The following CTRB2 variants were observed in gnomAD, a reference collection of about 807,000 sequenced individuals.
The protein encoded by CTRB2 is chymotrypsinogen B2.
CTRB2 carries 9 observed loss-of-function variants against 19.3 expected under a neutral mutation model. The observed-to-expected ratio is 0.47, with a 90% CI of 0.28 to 0.81. The LOEUF is 0.81. Among genes scored for constraint, CTRB2 ranks in the 40% least tolerant of loss-of-function variants. CTRB2 has a pLI of 0.11. For synonymous variants in CTRB2, 98 were observed against 117.3 expected (o/e 0.84, Z 1.06); for missense variants, 210 against 269.7 (o/e 0.78, Z 1.55).
rs1402719006 is a variant in CTRB2 at position 75,204,208 on chromosome 16, C to T, written c.745G>A (p.Val249Ile). The change falls in exon 7 of 7, where the codon GTC (valine) becomes ATC (isoleucine). Residue 249 changes from valine (V) to isoleucine (I), a missense_variant. Transcript: ENST00000303037. Reference sequence around the variant, plus strand: ...TGCACCCAGGGTATGAGCTTGGCGACACGGGCGTACACAGCGGGCGTGGTG... The same window carrying T: ...TGCACCCAGGGTATGAGCTTGGCGATACGGGCGTACACAGCGGGCGTGGTG... ...STTTPAVYARVAKLIPWVQKI... is the reference protein window; with the variant it reads ...STTTPAVYARIAKLIPWVQKI... The T allele has an allele frequency of 1.9e-6, 3 of 1,614,110 alleles. No homozygotes were observed. Among genetic ancestry groups the T allele is most frequent in the Non-Finnish European group, 2.5e-6 (3 of 1,180,006 alleles).
At position 75,207,006 on chromosome 16, in the gene CTRB2, C is replaced by G. The variant is rs1311047514; in HGVS notation, c.52+84G>C. ...CTGCGGTGCACAGCTGAACTGGGAG[C>G]TGGGACCCTGCTGCCTCTTGCTGGC... On this transcript the variant is annotated intron_variant, in intron 1 of 6. Coordinates refer to ENST00000303037, the MANE Select transcript of CTRB2 (RefSeq NM_001025200.4). The G allele has an allele frequency of 1.4e-5, 18 of 1,307,966 alleles. No homozygotes were observed. The South Asian group carries it at 1.9e-4, about 14-fold the overall frequency. The allele number at this position is 1,307,966 out of a possible 1,614,324, so 81.0% of individuals were successfully genotyped here.
At chr16:75,207,037 G>C (rs57900557) in intron 1 of CTRB2, 53 bp downstream of exon 1, 226,019 of 1,513,774 alleles carry the variant, frequency 0.15, 18,224 homozygotes, top group Middle Eastern at 0.21. Flanking sequence ...CTGGCCTCGG[G>C]GCTGGGAGTG....
Position 75,204,239 on chromosome 16 carries a change from G to C in CTRB2, c.714C>G (p.Cys238Trp). Residue 238 changes from cysteine to tryptophan, a missense_variant, in exon 7 of 7, where the codon TGC becomes TGG. Cys to Trp is a radical substitution (Grantham distance 215). Transcript: ENST00000303037. ...VGIVSWGSRT[C>W]STTTPAVYAR... Reference sequence around the variant, plus strand: ...CGTACACAGCGGGCGTGGTGGTAGAGCAGGTGCGGCTGCCCCAGGACACAA... The same window carrying C: ...CGTACACAGCGGGCGTGGTGGTAGACCAGGTGCGGCTGCCCCAGGACACAA... The C allele has an allele frequency of 6.2e-7, 1 of 1,614,162 alleles. No homozygotes were observed. The highest frequency in any genetic ancestry group is 8.5e-7 in the Non-Finnish European group (1 of 1,180,004).
chr16:75,206,265 C>G, intron 1 of CTRB2, 72 bp from the exon 2 acceptor site: 1 of 1,454,022 alleles, frequency 6.9e-7, no homozygotes, highest in South Asian at 1.3e-5. Flanking sequence ...CCTCTCACTC[C>G]CAACTCTTTT....
At position 75,205,325 on chromosome 16, in the gene CTRB2, C is replaced by T; in HGVS notation, c.496+8G>A. On this transcript the variant is annotated splice_region_variant and intron_variant, in intron 5 of 6. Coordinates refer to ENST00000303037, the MANE Select transcript of CTRB2 (RefSeq NM_001025200.4). The stretch of plus-strand genomic sequence containing the variant: ...CCAGACCCCAGAGGCAGCCCCGCGG[C>T]CCCTCACCGTTGTACTTGGTCTTGC... 2 of 354,976 alleles carry T rather than the reference C, an allele frequency of 5.6e-6. No individual in the cohort carries two copies. Among genetic ancestry groups the T allele is most frequent in the Non-Finnish European group, 9.2e-6 (2 of 216,884 alleles). The allele number at this position is 354,976 out of a possible 1,614,324, so 22.0% of individuals were successfully genotyped here.
chr16:75,204,527 C>T (rs888353872), intron 6 of CTRB2, among the ~76,000 whole-genome samples: 1 of 152,254 alleles, frequency 6.6e-6, no homozygotes, highest in Middle Eastern at 3.4e-3. Context: ...TGGCTTCCCT[C>T]TCTAAGCCGG....
At chr16:75,204,574 G>A (rs916831674) in intron 6 of CTRB2, among the ~76,000 whole-genome samples, 199 bp downstream of exon 6, 21 of 152,186 alleles carry the variant, frequency 1.4e-4, no homozygotes, top group Non-Finnish European at 3.1e-4. Context: ...AGCTCACAGG[G>A]CTGCAAGGAA....
chr16:75,206,252 C>T (rs1418343656), intron 1 of CTRB2, 59 bp from the exon 2 acceptor site: 4 of 1,488,384 alleles, frequency 2.7e-6, no homozygotes, highest in Admixed American at 2.1e-5. Flanking sequence ...AATGCTCCAG[C>T]CTCCTCTCAC....
chr16:75,204,320 A>T lies in CTRB2; in HGVS notation c.633T>A (p.Gly211=), dbSNP rs1130509. 4.3e-6 allele frequency: 7 copies of T among 1,613,716 alleles called. No homozygotes were observed. Among genetic ancestry groups the T allele is most frequent in the Middle Eastern group, 1.7e-4 (1 of 6,060 alleles). Reference sequence around the variant, plus strand: ...GGCAGACCAGGGGGCCTCCAGAGTCACCCTGCAGGAAGGAGAGGAAGTATC... The same window carrying T: ...GGCAGACCAGGGGGCCTCCAGAGTCTCCCTGCAGGAAGGAGAGGAAGTATC... ...AGASGVSSCM[G]DSGGPLVCQK... is the part of the protein sequence containing the mutation. The change falls in exon 7 of 7, where the codon GGT becomes GGA. Residue 211 remains glycine (G), a splice_region_variant and synonymous_variant. Coordinates refer to ENST00000303037, the MANE Select transcript of CTRB2 (RefSeq NM_001025200.4).
rs1419559737 is a variant in CTRB2, at chr16:75,206,787, C to T, written c.52+303G>A. ...GACTGTTTGGGGGTTTCCCGAAGGC[C>T]TCAGGGCAGCCCCCGGACACCTGCC... is the stretch of plus-strand genomic sequence containing the variant. On this transcript the variant is annotated intron_variant, in intron 1 of 6. Coordinates refer to ENST00000303037, the MANE Select transcript of CTRB2 (RefSeq NM_001025200.4). 5.1e-5 allele frequency: 23 copies of T among 453,096 alleles called. No homozygotes were observed. In the Admixed American group the frequency reaches 7.9e-4, roughly 16 times the overall value. The allele number at this position is 453,096 out of a possible 1,614,324, so 28.1% of individuals were successfully genotyped here. A position where few individuals can be genotyped will look rare whatever the true frequency, so the allele number is the denominator to read the frequency against.
In CTRB2 at chr16:75,207,083, C is replaced by G; in HGVS notation, c.52+7G>C. The G allele has an allele frequency of 3.9e-6, 6 of 1,553,756 alleles. No homozygotes were observed. The highest frequency in any genetic ancestry group is 5.2e-6 in the Non-Finnish European group (6 of 1,147,854). The stretch of plus-strand genomic sequence containing the variant: ...ACCCTTCGGCCTCCGCAGGGCCTGG[C>G]ACTCACCGAAGGTGGTACCCAGGAG... On this transcript the variant is annotated splice_region_variant and intron_variant, in intron 1 of 6. Coordinates refer to ENST00000303037, the MANE Select transcript of CTRB2 (RefSeq NM_001025200.4).
At chr16:75,206,063 GC>G (rs1232200030) in intron 2 of CTRB2, 26 bp downstream of exon 2, 8 of 1,431,684 alleles carry the variant, frequency 5.6e-6, no homozygotes, top group South Asian at 1.3e-5. Flanking sequence ...TACCCAGGGT[GC>G]CCCCCACCTT....
intron 1 of CTRB2, chr16:75,206,614 A>T: frequency 3.3e-6 from 1 of 304,542 alleles, no homozygotes; most frequent in Non-Finnish European, 6.2e-6. Context: ...GAGCAGGCAG[A>T]GCGCCAGCTC....
At position 75,204,190 on chromosome 16, in the gene CTRB2, A is replaced by T; in HGVS notation, c.763T>A (p.Trp255Arg). 1.2e-6 allele frequency: 2 copies of T among 1,614,112 alleles called. No individual in the cohort carries two copies. The highest frequency in any genetic ancestry group is 2.2e-5 in the East Asian group (1 of 44,874). ...VYARVAKLIP[W>R]VQKILAAN is the part of the protein sequence containing the mutation. ...TTGGCGGCCAGGATCTTCTGCACCCAGGGTATGAGCTTGGCGACACGGGCG... is the reference window on the plus strand; with the variant it reads ...TTGGCGGCCAGGATCTTCTGCACCCTGGGTATGAGCTTGGCGACACGGGCG... The change falls in exon 7 of 7, where the codon TGG becomes AGG. Residue 255 changes from tryptophan (W) to arginine (R), a missense_variant. By Grantham distance (101) the Trp-to-Arg change is moderately radical. Around this residue, in one of 4 missense-constraint regions of CTRB2, gnomAD observed 120 missense variants for 90.8 expected, o/e 1.32. Coordinates refer to ENST00000303037, the MANE Select transcript of CTRB2 (RefSeq NM_001025200.4).
chr16:75,206,530 C>T, intron 1 of CTRB2: 1 of 415,700 alleles, frequency 2.4e-6, no homozygotes, highest in Non-Finnish European at 4.3e-6. Context: ...CCTCCCTGCC[C>T]AGCTAAGCCA....
intron 1 of CTRB2, 103 bp from the exon 2 acceptor site, chr16:75,206,296 T>C: frequency 8.1e-7 from 1 of 1,231,088 alleles, no homozygotes; most frequent in South Asian, 1.5e-5. Context: ...GGACCTAGAC[T>C]GGCTCCCACA....
chr16:75,206,301 C>G (rs2038891207), intron 1 of CTRB2, 108 bp from the exon 2 acceptor site: 2 of 1,164,936 alleles, frequency 1.7e-6, no homozygotes, highest in Non-Finnish European at 2.4e-6. Context: ...TAGACTGGCT[C>G]CCACATCCCC....
intron 1 of CTRB2, 115 bp downstream of exon 1, chr16:75,206,975 C>T: frequency 9.8e-7 from 1 of 1,017,760 alleles, no homozygotes; most frequent in South Asian, 1.4e-5. Context: ...CTCGCCCAGG[C>T]CCACACTGCG....
intron 6 of CTRB2, among the ~76,000 whole-genome samples, 188 bp downstream of exon 6, chr16:75,204,585 G>A (rs1042775317): frequency 1.3e-5 from 2 of 152,174 alleles, no homozygotes; most frequent in African/African-American, 4.8e-5. Flanking sequence ...CTGCAAGGAA[G>A]TCCCCAGGGG....
Sources: allele counts gnomAD v4.1 joint callset (sites outside exome capture counted in the v4.1 genomes callset), GRCh38; gene constraint gnomAD v4.1.1; regional missense constraint gnomAD v4.1.1; transcripts MANE v1.5; gene names NCBI Gene and HGNC (gene_info 2026-07-23, HGNC 2026-07-21).